ZBTB7C: variants seen among roughly 807,000 people sequenced by gnomAD.
ZBTB7C encodes the protein zinc finger and BTB domain-containing protein 7C.
In ZBTB7C, 8 loss-of-function variants were observed where a neutral mutation model predicts 25.7. That is an observed-to-expected ratio of 0.31 (90% CI 0.18 to 0.56). The LOEUF (loss-of-function observed/expected upper bound fraction) is 0.56. Among genes scored for constraint, ZBTB7C ranks in the 20% least tolerant of loss-of-function variants. The pLI is 0.91. For missense variants in ZBTB7C, 824 were observed against 855.2 expected, an observed-to-expected ratio of 0.96 and a Z score of 0.46; for synonymous variants, 394 against 369.0, an observed-to-expected ratio of 1.07 and a Z score of -0.78.
chr18:48,345,139 T>C (rs1195666771), intron 1 of ZBTB7C, among the ~76,000 whole-genome samples: 4 of 152,186 alleles, frequency 2.6e-5, no homozygotes, highest in Admixed American at 2.6e-4. Flanking sequence ...TGCTATCACC[T>C]CTCACTATAG....
intron 2 of ZBTB7C, among the ~76,000 whole-genome samples, chr18:48,220,137 A>C (rs1345995245): frequency 6.7e-6 from 1 of 148,488 alleles, no homozygotes; most frequent in Non-Finnish European, 1.5e-5. Context: ...CCCCAAGTTC[A>C]CACACTCAGA....
intron 3 of ZBTB7C, among the ~76,000 whole-genome samples, chr18:48,074,929 A>T (rs2037701391): frequency 6.6e-6 from 1 of 152,202 alleles, no homozygotes; most frequent in African/African-American, 2.4e-5. Flanking sequence ...ACTTATTAAC[A>T]TACTGGCACC....
At chr18:48,278,493 T>C (rs1402678962) in intron 2 of ZBTB7C, among the ~76,000 whole-genome samples, 1 of 151,976 alleles carries the variant, frequency 6.6e-6, no homozygotes, top group Non-Finnish European at 1.5e-5. Flanking sequence ...TGGAATGCAA[T>C]GGTGCGATCT....
At chr18:48,138,674 T>C (rs1190909441) in intron 3 of ZBTB7C, among the ~76,000 whole-genome samples, 1 of 152,054 alleles carries the variant, frequency 6.6e-6, no homozygotes, top group Non-Finnish European at 1.5e-5. Context: ...GGTGGACAGT[T>C]TCCAAGATTG....
intron 3 of ZBTB7C, among the ~76,000 whole-genome samples, chr18:48,166,201 A>C (rs1568271427): frequency 1.4e-4 from 12 of 82,982 alleles, no homozygotes; most frequent in Non-Finnish European, 3.0e-4. Context: ...TCATCAACCC[A>C]AACAACTCTG....
At chr18:48,217,465 C>T (rs114764493) in intron 2 of ZBTB7C, among the ~76,000 whole-genome samples, 2,752 of 152,262 alleles carry the variant, frequency 0.018, 89 homozygotes, top group African/African-American at 0.063. Context: ...CCAGCCACCA[C>T]CTGACCACTG....
At chr18:48,230,017 G>A (rs959705991) in intron 2 of ZBTB7C, among the ~76,000 whole-genome samples, 26 of 152,330 alleles carry the variant, frequency 1.7e-4, no homozygotes, top group African/African-American at 1.7e-4. Context: ...GGAGGGCCTC[G>A]AAGCAGAGCC....
intron 2 of ZBTB7C, among the ~76,000 whole-genome samples, chr18:48,198,146 C>T (rs962857629): frequency 6.6e-6 from 1 of 152,212 alleles, no homozygotes; most frequent in Non-Finnish European, 1.5e-5. Context: ...CTTATTTACA[C>T]ATAAACTGAC....
chr18:48,338,109 A>G (rs1769333483), intron 2 of ZBTB7C, 65 bp downstream of exon 2: 1 of 152,222 alleles, frequency 6.6e-6, no homozygotes, highest in African/African-American at 2.4e-5. Flanking sequence ...TGCTTACTGC[A>G]AGCTGATATA....
intron 3 of ZBTB7C, among the ~76,000 whole-genome samples, chr18:48,184,155 G>A (rs2041997342): frequency 6.6e-6 from 1 of 152,100 alleles, no homozygotes; most frequent in South Asian, 2.1e-4. Context: ...CTGCCTTGCC[G>A]AAGACCACCA....
At chr18:48,393,225 C>T (rs1188621116) in intron 1 of ZBTB7C, among the ~76,000 whole-genome samples, 2 of 147,514 alleles carry the variant, frequency 1.4e-5, no homozygotes, top group East Asian at 4.2e-4. Context: ...TATGGCTGCC[C>T]CCCAATATCC....
intron 2 of ZBTB7C, among the ~76,000 whole-genome samples, chr18:48,211,002 T>C (rs1038506009): frequency 5.3e-5 from 8 of 152,012 alleles, no homozygotes; most frequent in Admixed American, 3.3e-4. Context: ...GACAAATAGA[T>C]CAATGGAACA....
intron 3 of ZBTB7C, among the ~76,000 whole-genome samples, chr18:48,158,353 A>G (rs558155719): frequency 1.4e-4 from 21 of 152,232 alleles, no homozygotes; most frequent in East Asian, 3.9e-4. Flanking sequence ...ATGGGTCGGA[A>G]TGATGCTTCC....
At chr18:48,266,859 T>C (rs180753594) in intron 2 of ZBTB7C, among the ~76,000 whole-genome samples, 12 of 152,348 alleles carry the variant, frequency 7.9e-5, no homozygotes, top group Non-Finnish European at 1.3e-4. Flanking sequence ...CATGTATTTA[T>C]GAGTATCATT....
At chr18:48,138,721 C>A (rs2040249883) in intron 3 of ZBTB7C, among the ~76,000 whole-genome samples, 1 of 152,192 alleles carries the variant, frequency 6.6e-6, no homozygotes, top group Non-Finnish European at 1.5e-5. Context: ...ACCAGGTACT[C>A]CCGGAACACC....
intron 3 of ZBTB7C, among the ~76,000 whole-genome samples, chr18:48,100,891 T>C (rs1389876030): frequency 1.0e-5 from 1 of 98,654 alleles, no homozygotes; most frequent in Non-Finnish European, 2.3e-5. Flanking sequence ...GGGCCCTGCC[T>C]GTAGGGGCGG....
intron 3 of ZBTB7C, among the ~76,000 whole-genome samples, chr18:48,134,223 A>G (rs1239110819): frequency 3.3e-5 from 5 of 151,944 alleles, no homozygotes; most frequent in Admixed American, 2.6e-4. Context: ...GGCAAGATTT[A>G]TCAGTTCACC....
rs185192972 is a variant in ZBTB7C at position 48,076,924 on chromosome 18, A to G, written c.-16-35801T>C. ...AATTCAATCAAGGAAGAAGCTTCAA[A>G]TAAGTACTAACCTGGCTTTAACACT... On this transcript the variant is annotated intron_variant, in intron 3 of 4. Transcript: ENST00000590800. The G allele has an allele frequency of 4.2e-5, 41 of 985,236 alleles. No individual in the cohort carries two copies. The African/African-American group carries it at 6.3e-4, about 15-fold the overall frequency. The allele number at this position is 985,236 out of a possible 1,614,324, so 61.0% of individuals were successfully genotyped here.
intron 2 of ZBTB7C, among the ~76,000 whole-genome samples, chr18:48,212,531 C>T (rs780378695): frequency 1.3e-5 from 2 of 151,790 alleles, no homozygotes; most frequent in Non-Finnish European, 2.9e-5. Flanking sequence ...GACAAATGTA[C>T]CACTCTCAGG....
Sources: allele counts gnomAD v4.1 joint callset (sites outside exome capture counted in the v4.1 genomes callset), GRCh38; gene constraint gnomAD v4.1.1; transcripts MANE v1.5; gene names NCBI Gene and HGNC (gene_info 2026-07-23, HGNC 2026-07-21).